CAMK1D: variants seen among roughly 807,000 people sequenced by gnomAD.
CAMK1D encodes calcium/calmodulin dependent protein kinase ID.
In CAMK1D, 9 loss-of-function variants were observed where a neutral mutation model predicts 47.7. The observed-to-expected ratio is 0.19, with a 90% CI of 0.11 to 0.33. The LOEUF (loss-of-function observed/expected upper bound fraction) is 0.33, where lower values mean the gene tolerates loss of function less well. CAMK1D is among the 10% of genes least tolerant of loss of function. The probability of loss-of-function intolerance (pLI) is 1.00; values close to 1 mark genes in which losing one functional copy is unlikely to be tolerated. For missense variants in CAMK1D, 291 were observed against 488.7 expected (o/e 0.60, Z 3.81); for synonymous variants, 184 against 184.9 (o/e 0.99, Z 0.04).
At chr10:12,419,312 GC>G (rs1217932113) in intron 1 of CAMK1D, among the ~76,000 whole-genome samples, 1 of 152,116 alleles carries the variant, frequency 6.6e-6, no homozygotes, top group Non-Finnish European at 1.5e-5. Flanking sequence ...GAGGTTGGGA[GC>G]CTGGGGCCAC....
intron 1 of CAMK1D, among the ~76,000 whole-genome samples, chr10:12,494,246 T>C (rs766016299): frequency 6.6e-5 from 10 of 152,178 alleles, no homozygotes; most frequent in Non-Finnish European, 1.3e-4. Context: ...AAGCTTAACT[T>C]TAGTTATAGA....
chr10:12,474,284 C>T (rs562111723), intron 1 of CAMK1D, among the ~76,000 whole-genome samples: 11 of 150,962 alleles, frequency 7.3e-5, no homozygotes, highest in Admixed American at 2.0e-4. Context: ...CTGCAAGCTC[C>T]GCCTCCTGGG....
At chr10:12,818,007 G>A (rs993707738) in intron 8 of CAMK1D, among the ~76,000 whole-genome samples, 1 of 152,068 alleles carries the variant, frequency 6.6e-6, no homozygotes, top group African/African-American at 2.4e-5. Context: ...TGTTATGTAA[G>A]CACCACGAGC....
intron 3 of CAMK1D, among the ~76,000 whole-genome samples, chr10:12,685,126 C>A (rs1832602658): frequency 6.6e-6 from 1 of 152,178 alleles, no homozygotes; most frequent in Non-Finnish European, 1.5e-5. Flanking sequence ...CATGGTGAAA[C>A]CCCGTCTGTA....
intron 3 of CAMK1D, among the ~76,000 whole-genome samples, chr10:12,669,187 G>A (rs1034010146): frequency 6.6e-6 from 1 of 152,118 alleles, no homozygotes; most frequent in Non-Finnish European, 1.5e-5. Flanking sequence ...AGCTGAGATT[G>A]TGCCACTGTA....
chr10:12,682,855 T>G (rs1453283411), intron 3 of CAMK1D, among the ~76,000 whole-genome samples: 1 of 109,930 alleles, frequency 9.1e-6, no homozygotes, highest in Non-Finnish European at 2.2e-5. Flanking sequence ...AGTTAAATTT[T>G]TTTTTGCTTT....
chr10:12,505,390 G>C (rs1416926550), intron 1 of CAMK1D, among the ~76,000 whole-genome samples: 1 of 152,168 alleles, frequency 6.6e-6, no homozygotes, highest in Non-Finnish European at 1.5e-5. Context: ...GAGACTATTA[G>C]GCCTGCACTA....
chr10:12,724,850 A>C (rs116443619), intron 3 of CAMK1D, among the ~76,000 whole-genome samples: 3 of 151,692 alleles, frequency 2.0e-5, no homozygotes, highest in African/African-American at 7.3e-5. Context: ...GCTGCACTCC[A>C]GCCTGGGTGA....
At chr10:12,739,767 C>T (rs1304391148) in intron 3 of CAMK1D, among the ~76,000 whole-genome samples, 1 of 152,074 alleles carries the variant, frequency 6.6e-6, no homozygotes, top group Admixed American at 6.6e-5. Flanking sequence ...TCAGAAATTT[C>T]AAAAGACCCC....
chr10:12,681,116 C>G (rs533153074), intron 3 of CAMK1D, among the ~76,000 whole-genome samples: 1 of 152,286 alleles, frequency 6.6e-6, no homozygotes, highest in East Asian at 1.9e-4. Context: ...TGTCCTTGAC[C>G]ATTTTCTCTC....
chr10:12,482,263 C>T (rs530114781), intron 1 of CAMK1D, among the ~76,000 whole-genome samples: 1 of 152,200 alleles, frequency 6.6e-6, no homozygotes, highest in Non-Finnish European at 1.5e-5. Flanking sequence ...CTGTGCCCAG[C>T]AGCACTTTGG....
intron 3 of CAMK1D, among the ~76,000 whole-genome samples, chr10:12,731,913 T>C (rs541898907): frequency 5.3e-5 from 8 of 151,930 alleles, no homozygotes; most frequent in African/African-American, 1.9e-4. Flanking sequence ...GAATGGACGA[T>C]GGGGTAGGGA....
chr10:12,579,139 C>T lies in CAMK1D; in HGVS notation c.224+25783C>T, dbSNP rs150821812. Among the ~76,000 whole-genome samples the T allele has an allele frequency of 2.8e-4, 42 of 152,024 alleles. No individual in the cohort carries two copies. The East Asian group carries it at 6.6e-3, about 24-fold the overall frequency. ...TGGGTGTGGGAGCGCGAGGAGTCCT[C>T]GGAAGGCGCCTGAGTGAGGCTGTGG... On this transcript the variant is annotated intron_variant, in intron 2 of 10. Transcript: ENST00000619168.
At chr10:12,407,121 T>TC (rs1279115221) in intron 1 of CAMK1D, among the ~76,000 whole-genome samples, 1 of 152,144 alleles carries the variant, frequency 6.6e-6, no homozygotes, top group African/African-American at 2.4e-5. Context: ...CCCTCTCATC[T>TC]CCATCTTCCT....
At chr10:12,640,299 AAGG>A (rs138007190) in intron 2 of CAMK1D, among the ~76,000 whole-genome samples, 29,602 of 151,944 alleles carry the variant, frequency 0.19, 3,106 homozygotes, top group African/African-American at 0.21. Flanking sequence ...GAGTGGGGAG[AAGG>A]AGAAGGAGTT....
chr10:12,669,690 CTTCCTCATTCATGACCCTAG>C (rs1840548795), intron 3 of CAMK1D, among the ~76,000 whole-genome samples: 1 of 152,140 alleles, frequency 6.6e-6, no homozygotes, highest in Non-Finnish European at 1.5e-5. Context: ...AAAGTCTTCT[CTTCCTCATTCATGACCCTAG>C]TCAACCAGTG....
chr10:12,754,559 T>C (rs1432039647), intron 3 of CAMK1D, among the ~76,000 whole-genome samples: 2 of 152,246 alleles, frequency 1.3e-5, no homozygotes, highest in African/African-American at 2.4e-5. Flanking sequence ...TCCTTTATGT[T>C]GCCCGGTGTA....
intron 5 of CAMK1D, among the ~76,000 whole-genome samples, chr10:12,789,449 G>A (rs1391095648): frequency 6.6e-6 from 1 of 152,198 alleles, no homozygotes; most frequent in Non-Finnish European, 1.5e-5. Context: ...ATCTAGCTGT[G>A]TGATGTGGGA....
intron 3 of CAMK1D, among the ~76,000 whole-genome samples, chr10:12,681,062 CACT>C (rs1251566632): frequency 1.3e-5 from 2 of 152,066 alleles, no homozygotes; most frequent in Non-Finnish European, 2.9e-5. Flanking sequence ...CCAGGAGGAT[CACT>C]ATGTCAGTGT....
Sources: allele counts gnomAD v4.1 joint callset (sites outside exome capture counted in the v4.1 genomes callset), GRCh38; gene constraint gnomAD v4.1.1; transcripts MANE v1.5; gene names NCBI Gene and HGNC (gene_info 2026-07-23, HGNC 2026-07-21).